Variants in VAT1L observed in about 807,000 individuals in gnomAD.
VAT1L encodes putative NADPH-dependent quinone oxidoreductase VAT1L.
In VAT1L, 34 loss-of-function variants were observed where a neutral mutation model predicts 44.1. The ratio of observed to expected loss-of-function variants is 0.77; its 90% CI spans 0.59 to 1.03. VAT1L has a LOEUF of 1.03. Among genes scored for constraint, VAT1L ranks in the 50% least tolerant of loss-of-function variants. The pLI, the probability that VAT1L is intolerant of heterozygous loss-of-function variation, is 0.00. For synonymous variants in VAT1L, 253 were observed against 202.2 expected, an observed-to-expected ratio of 1.25 and a Z score of -2.13; for missense variants, 615 against 538.8, an observed-to-expected ratio of 1.14 and a Z score of -1.40.
At chr16:77,852,724 C>A (rs2016819563) in intron 3 of VAT1L, among the ~76,000 whole-genome samples, 1 of 152,148 alleles carries the variant, frequency 6.6e-6, no homozygotes, top group South Asian at 2.1e-4. Flanking sequence ...GTTCCCCTTC[C>A]TTCTCTCCTT....
At chr16:77,805,076 T>G (rs2016131856) in intron 1 of VAT1L, among the ~76,000 whole-genome samples, 1 of 152,162 alleles carries the variant, frequency 6.6e-6, no homozygotes, top group African/African-American at 2.4e-5. Flanking sequence ...GCCAGCAGTG[T>G]GGGAAGGGAG....
intron 7 of VAT1L, among the ~76,000 whole-genome samples, chr16:77,921,936 C>G (rs2017616268): frequency 6.6e-6 from 1 of 151,912 alleles, no homozygotes; most frequent in Admixed American, 6.6e-5. Flanking sequence ...TTTATGGTGA[C>G]AGGGTCTCAC....
chr16:77,907,160 A>G (rs892160059), intron 7 of VAT1L, among the ~76,000 whole-genome samples: 2 of 152,252 alleles, frequency 1.3e-5, no homozygotes, highest in African/African-American at 2.4e-5. Flanking sequence ...ATCGTGACCA[A>G]TAGCGGGTTA....
intron 3 of VAT1L, among the ~76,000 whole-genome samples, chr16:77,826,553 A>G (rs1254114138): frequency 6.6e-6 from 1 of 152,152 alleles, no homozygotes; most frequent in Admixed American, 6.5e-5. Context: ...CAAGGCGGAG[A>G]ATGGTGGAAA....
intron 3 of VAT1L, among the ~76,000 whole-genome samples, chr16:77,831,185 C>A (rs1332694961): frequency 6.6e-6 from 1 of 152,124 alleles, no homozygotes; most frequent in Non-Finnish European, 1.5e-5. Context: ...GGTGGGGGGA[C>A]ACTAGGCAAA....
chr16:77,969,501 T>C lies in VAT1L; in HGVS notation c.1078-2349T>C, dbSNP rs75091048. Among the ~76,000 whole-genome samples the C allele has an allele frequency of 5.5e-3, 842 of 152,106 alleles. 10 individuals are homozygous for C. The highest frequency in any genetic ancestry group is 0.019 in the African/African-American group (804 of 41,488). The stretch of plus-strand genomic sequence containing the variant: ...CATTGACTGTCGGCTGGGGTCTGCC[T>C]TCAGTTTCTTGCCATGTGGACCTCT... On this transcript the variant is annotated intron_variant, in intron 7 of 8. Transcript: ENST00000302536.
intron 7 of VAT1L, among the ~76,000 whole-genome samples, chr16:77,896,392 G>C (rs1477115962): frequency 6.6e-6 from 1 of 151,076 alleles, no homozygotes. Context: ...CATGTGCATG[G>C]GCAATTTCCT....
chr16:77,789,272 G>T (rs991164212), intron 1 of VAT1L, among the ~76,000 whole-genome samples: 1 of 152,158 alleles, frequency 6.6e-6, no homozygotes, highest in African/African-American at 2.4e-5. Context: ...AAAAATATAT[G>T]TATTAAGAAC....
chr16:77,933,497 G>A (rs977070576), intron 7 of VAT1L, among the ~76,000 whole-genome samples: 2 of 152,138 alleles, frequency 1.3e-5, no homozygotes, highest in Non-Finnish European at 2.9e-5. Context: ...ACTGTATGAG[G>A]ATAAAATAAC....
intron 3 of VAT1L, among the ~76,000 whole-genome samples, chr16:77,835,059 A>C (rs77194729): frequency 0.018 from 2,750 of 152,094 alleles, 71 homozygotes; most frequent in African/African-American, 0.063. Flanking sequence ...TTTTAATTTC[A>C]TTCCCCCAAA....
At chr16:77,801,493 C>A in intron 1 of VAT1L, 1 of 152,280 alleles carries the variant, frequency 6.6e-6, no homozygotes, top group Admixed American at 6.5e-5. Flanking sequence ...TCACTTTACC[C>A]TTAGGATGAG....
intron 7 of VAT1L, among the ~76,000 whole-genome samples, chr16:77,940,823 G>C (rs534423625): frequency 3.2e-4 from 49 of 152,230 alleles, no homozygotes; most frequent in African/African-American, 1.1e-3. Context: ...GTGGGGGGCT[G>C]GGACATGGAA....
At chr16:77,976,991 C>G (rs893141151) in intron 8 of VAT1L, among the ~76,000 whole-genome samples, 4 of 152,174 alleles carry the variant, frequency 2.6e-5, no homozygotes, top group African/African-American at 9.7e-5. Context: ...ACCCTGGGGA[C>G]TCTGTGCAGC....
At chr16:77,876,290 T>A in intron 4 of VAT1L, 80 bp from the exon 5 acceptor site, 3 of 1,270,038 alleles carry the variant, frequency 2.4e-6, no homozygotes, top group Non-Finnish European at 3.5e-6. Flanking sequence ...AGTCAGACAA[T>A]ATGACACAGG....
intron 7 of VAT1L, among the ~76,000 whole-genome samples, chr16:77,964,779 C>CTTTT (rs10566511): frequency 1.9e-4 from 17 of 91,880 alleles, no homozygotes; most frequent in East Asian, 1.5e-3. Context: ...CTTTGTAGCA[C>CTTTT]TTTTTTTTTT....
intron 1 of VAT1L, among the ~76,000 whole-genome samples, chr16:77,789,777 C>T (rs953987303): frequency 6.6e-6 from 1 of 152,158 alleles, no homozygotes; most frequent in Admixed American, 6.5e-5. Context: ...CTCTATTCCC[C>T]ATTCCCCCTG....
At position 77,920,826 on chromosome 16, in the gene VAT1L, G is replaced by A. The variant is rs186858443; in HGVS notation, c.1077+36024G>A. 2.8e-4 allele frequency among the ~76,000 whole-genome samples: 43 copies of A among 152,172 alleles called. 2 individuals are homozygous for A. The highest frequency in any genetic ancestry group is 2.5e-3 in the East Asian group (13 of 5,172). Reference sequence around the variant, plus strand: ...GCCTAGGTGTATGGTAGGCTATACCGTCAAGGTTTGTGTAAGTTCACTCTA... The same window carrying A: ...GCCTAGGTGTATGGTAGGCTATACCATCAAGGTTTGTGTAAGTTCACTCTA... On this transcript the variant is annotated intron_variant, in intron 7 of 8. Coordinates refer to ENST00000302536, the MANE Select transcript of VAT1L (RefSeq NM_020927.3).
chr16:77,887,907 G>A (rs75567610), intron 7 of VAT1L, among the ~76,000 whole-genome samples: 6,153 of 152,138 alleles, frequency 0.04, 251 homozygotes, highest in East Asian at 0.16. Context: ...TCCTCATTGA[G>A]GTCTGTAAGG....
chr16:77,923,252 C>T (rs1431864411), intron 7 of VAT1L, among the ~76,000 whole-genome samples: 2 of 152,174 alleles, frequency 1.3e-5, no homozygotes, highest in Non-Finnish European at 1.5e-5. Flanking sequence ...AAATCGAGAC[C>T]ATCCTGGTTA....
Sources: allele counts gnomAD v4.1 joint callset (sites outside exome capture counted in the v4.1 genomes callset), GRCh38; gene constraint gnomAD v4.1.1; transcripts MANE v1.5; gene names NCBI Gene and HGNC (gene_info 2026-07-23, HGNC 2026-07-21).